Variants in ACBD7 observed in about 807,000 individuals in gnomAD.
ACBD7 encodes acyl-CoA binding domain containing 7.
A neutral mutation model predicts 13.7 loss-of-function variants in ACBD7; 11 were observed. That is an observed-to-expected ratio of 0.80 (90% CI 0.50 to 1.33). The LOEUF (loss-of-function observed/expected upper bound fraction) is 1.33, where lower values mean the gene tolerates loss of function less well. ACBD7 is among the 40% of genes most tolerant of loss of function. The probability of loss-of-function intolerance (pLI) is 0.00; values close to 1 mark genes in which losing one functional copy is unlikely to be tolerated. For synonymous variants in ACBD7, 43 were observed against 37.7 expected, an observed-to-expected ratio of 1.14 and a Z score of -0.51; for missense variants, 111 against 103.0, an observed-to-expected ratio of 1.08 and a Z score of -0.33.
intron 1 of ACBD7, among the ~76,000 whole-genome samples, chr10:15,083,958 A>G (rs1295925642): frequency 1.3e-5 from 2 of 152,208 alleles, no homozygotes; most frequent in Non-Finnish European, 2.9e-5. Flanking sequence ...GCCTGGTGGG[A>G]GATGAACAGG....
At position 15,076,746 on chromosome 10, in the gene ACBD7, A is replaced by G. The variant is rs114892549; in HGVS notation, c.*1784T>C. The G allele has an allele frequency of 1.9e-3, 1,827 of 966,374 alleles. 22 individuals carry two copies. The African/African-American group carries it at 0.03, about 16-fold the overall frequency. 59.9% of individuals were successfully genotyped at this position (966,374 alleles called of 1,614,324 possible). A position where few individuals can be genotyped will look rare whatever the true frequency, so the allele number is the denominator to read the frequency against. Reference sequence around the variant, plus strand: ...CTCGAACTTCTGACCTCAGTAATCCACCTACCTCGGCCTCCCAAAGTGCTG... The same window carrying G: ...CTCGAACTTCTGACCTCAGTAATCCGCCTACCTCGGCCTCCCAAAGTGCTG... On this transcript the variant is annotated 3_prime_UTR_variant, in exon 4 of 4. Transcript: ENST00000356189.
rs182653543 is a variant in ACBD7, at chr10:15,081,927, C to T, written c.13-2887G>A. ...ACTCTTGGCTGCTTTATACATAATGCCATGGTTAAGAACATGGCTCTGGAG... is the reference window on the plus strand; with the variant it reads ...ACTCTTGGCTGCTTTATACATAATGTCATGGTTAAGAACATGGCTCTGGAG... On this transcript the variant is annotated intron_variant, in intron 1 of 3. Transcript: ENST00000356189. Among the ~76,000 whole-genome samples the T allele has an allele frequency of 2.2e-3, 341 of 152,292 alleles. 4 individuals are homozygous for T. The highest frequency in any genetic ancestry group is 0.017 in the Admixed American group (254 of 15,284).
intron 1 of ACBD7, among the ~76,000 whole-genome samples, chr10:15,083,688 G>T (rs756592594): frequency 2.3e-4 from 35 of 152,224 alleles, no homozygotes; most frequent in Non-Finnish European, 3.8e-4. Context: ...TTGCCATGTT[G>T]GCCAAGCTGG....
rs905315227 is a variant in ACBD7 at position 15,078,314 on chromosome 10, C to T, written c.*216G>A. ...ATAGTATTCCATGGTGTATATGTGC[C>T]ACATTTTCTTAAAAAGAACTTTTAA... On this transcript the variant is annotated 3_prime_UTR_variant, in exon 4 of 4. Coordinates refer to ENST00000356189, the MANE Select transcript of ACBD7 (RefSeq NM_001039844.3). 11 of 1,392,142 alleles carry T rather than the reference C, an allele frequency of 7.9e-6. No individual in the cohort carries two copies. The African/African-American group carries it at 1.5e-4, about 18-fold the overall frequency. 86.2% of individuals were successfully genotyped at this position (1,392,142 alleles called of 1,614,324 possible).
At chr10:15,083,163 G>A (rs1206586197) in intron 1 of ACBD7, among the ~76,000 whole-genome samples, 1 of 152,192 alleles carries the variant, frequency 6.6e-6, no homozygotes, top group Non-Finnish European at 1.5e-5. Context: ...TCCCTCCCTA[G>A]GTAGGGAACT....
At chr10:15,083,128 C>A (rs1449545055) in intron 1 of ACBD7, among the ~76,000 whole-genome samples, 1 of 152,230 alleles carries the variant, frequency 6.6e-6, no homozygotes, top group Non-Finnish European at 1.5e-5. Context: ...GTTTCCCATG[C>A]CATTTCAGGG....
intron 1 of ACBD7, among the ~76,000 whole-genome samples, chr10:15,087,673 G>T (rs1844825088): frequency 6.6e-6 from 1 of 152,204 alleles, no homozygotes; most frequent in Non-Finnish European, 1.5e-5. Context: ...AGCTATTTGG[G>T]AGGCTGAGAT....
chr10:15,080,825 T>C (rs1313077600), intron 1 of ACBD7, among the ~76,000 whole-genome samples: 1 of 152,194 alleles, frequency 6.6e-6, no homozygotes, highest in East Asian at 1.9e-4. Flanking sequence ...GTTTCCTTTA[T>C]AGATTTTTAA....
rs1026868295 is a variant in ACBD7 at position 15,077,796 on chromosome 10, C to T, written c.*734G>A. 6.6e-6 allele frequency: 1 copy of T among 152,238 alleles called. No individual in the cohort carries two copies. Among genetic ancestry groups the T allele is most frequent in the African/African-American group, 2.4e-5 (1 of 41,396 alleles). 9.4% of individuals were successfully genotyped at this position (152,238 alleles called of 1,614,324 possible). A position where few individuals can be genotyped will look rare whatever the true frequency, so the allele number is the denominator to read the frequency against. On this transcript the variant is annotated 3_prime_UTR_variant, in exon 4 of 4. Coordinates refer to ENST00000356189, the MANE Select transcript of ACBD7 (RefSeq NM_001039844.3). ...GCTGAGGCAAGAGAATCACTTGAAC[C>T]CAGGAGGCGGAGGTTGCAGTGAACC...
At position 15,076,149 on chromosome 10, in the gene ACBD7, A is replaced by G; in HGVS notation, c.*2381T>C. On this transcript the variant is annotated 3_prime_UTR_variant, in exon 4 of 4. Transcript: ENST00000356189. ...ATGAAGTGGATCTATTCCTCTGGTCATACCATTCCAAATCTAAATTTTTAT... is the reference window on the plus strand; with the variant it reads ...ATGAAGTGGATCTATTCCTCTGGTCGTACCATTCCAAATCTAAATTTTTAT... 1 of 985,306 alleles carries G rather than the reference A, an allele frequency of 1.0e-6. No individual in the cohort carries two copies. The allele number at this position is 985,306 out of a possible 1,614,324, so 61.0% of individuals were successfully genotyped here.
rs897450945 is a variant in ACBD7 at position 15,077,235 on chromosome 10, C to T, written c.*1295G>A. Among the ~76,000 whole-genome samples the T allele has an allele frequency of 3.3e-5, 5 of 152,022 alleles. No individual in the cohort carries two copies. Among genetic ancestry groups the T allele is most frequent in the Non-Finnish European group, 7.4e-5 (5 of 68,006 alleles). ...ATAAAGAAAACGTTGTATATGTATA[C>T]CAGGGGATATTACTCAGCCATATAA... On this transcript the variant is annotated 3_prime_UTR_variant, in exon 4 of 4. Transcript: ENST00000356189.
intron 1 of ACBD7, among the ~76,000 whole-genome samples, chr10:15,081,100 G>A (rs1343201565): frequency 6.6e-6 from 1 of 152,182 alleles, no homozygotes; most frequent in East Asian, 1.9e-4. Context: ...AGGCAGTACT[G>A]TGGCAGGCCA....
intron 1 of ACBD7, chr10:15,088,347 T>C: frequency 3.0e-6 from 1 of 333,756 alleles, no homozygotes; most frequent in Non-Finnish European, 5.5e-6. Flanking sequence ...ACAGATCTCT[T>C]CTGCTCAGTA....
chr10:15,078,622 G>A lies in ACBD7; in HGVS notation c.194-19C>T. ...GACAACCCTAGAAAGATACAAACAGGTTATCTCCCTGATTGGTGCACTGGG... is the reference window on the plus strand; with the variant it reads ...GACAACCCTAGAAAGATACAAACAGATTATCTCCCTGATTGGTGCACTGGG... On this transcript the variant is annotated intron_variant, in intron 3 of 3. Transcript: ENST00000356189. 1 of 1,614,026 alleles carries A rather than the reference G, an allele frequency of 6.2e-7. No homozygotes were observed. Among genetic ancestry groups the A allele is most frequent in the South Asian group, 1.1e-5 (1 of 91,078 alleles).
chr10:15,076,132 G>T lies in ACBD7; in HGVS notation c.*2398C>A, dbSNP rs2131389990. On this transcript the variant is annotated 3_prime_UTR_variant, in exon 4 of 4. Transcript: ENST00000356189. ...TTTGTTGTTGTAGTAACATGAAGTG[G>T]ATCTATTCCTCTGGTCATACCATTC... 3.0e-6 allele frequency: 3 copies of T among 985,196 alleles called. No individual in the cohort carries two copies. In the South Asian group the frequency reaches 1.4e-4, roughly 46 times the overall value. 61.0% of individuals were successfully genotyped at this position (985,196 alleles called of 1,614,324 possible).
In ACBD7 at chr10:15,076,011, A is replaced by C. The variant is rs1024775332; in HGVS notation, c.*2519T>G. ...AAAAAAAAAAAAGAAAAGAAAAAGA[A>C]TGTTATATAAATGGAATTATACATG... On this transcript the variant is annotated 3_prime_UTR_variant, in exon 4 of 4. Transcript: ENST00000356189. The C allele has an allele frequency of 2.9e-5, 19 of 644,402 alleles. No homozygotes were observed. The highest frequency in any genetic ancestry group is 3.5e-5 in the Non-Finnish European group (18 of 519,272). The allele number at this position is 644,402 out of a possible 1,614,324, so 39.9% of individuals were successfully genotyped here. A position where few individuals can be genotyped will look rare whatever the true frequency, so the allele number is the denominator to read the frequency against.
At chr10:15,082,381 C>T (rs969998331) in intron 1 of ACBD7, among the ~76,000 whole-genome samples, 1 of 151,116 alleles carries the variant, frequency 6.6e-6, no homozygotes, top group Non-Finnish European at 1.5e-5. Context: ...TTTTTATACA[C>T]TCAGCTTTGT....
At chr10:15,084,207 A>G (rs979470563) in intron 1 of ACBD7, among the ~76,000 whole-genome samples, 2 of 151,048 alleles carry the variant, frequency 1.3e-5, no homozygotes, top group Non-Finnish European at 2.9e-5. Flanking sequence ...TCACAAATCA[A>G]TAAATAAACA....
rs1589259180 is a variant in ACBD7 at position 15,078,301 on chromosome 10, G to C, written c.*229C>G. ...TTTTTATGGCTCCATAGTATTCCAT[G>C]GTGTATATGTGCCACATTTTCTTAA... On this transcript the variant is annotated 3_prime_UTR_variant, in exon 4 of 4. Transcript: ENST00000356189. The C allele has an allele frequency of 2.3e-6, 3 of 1,332,030 alleles. No homozygotes were observed. Among genetic ancestry groups the C allele is most frequent in the East Asian group, 2.8e-5 (1 of 35,330 alleles). 82.5% of individuals were successfully genotyped at this position (1,332,030 alleles called of 1,614,324 possible). A position where few individuals can be genotyped will look rare whatever the true frequency, so the allele number is the denominator to read the frequency against.
Sources: allele counts gnomAD v4.1 joint callset (sites outside exome capture counted in the v4.1 genomes callset), GRCh38; gene constraint gnomAD v4.1.1; transcripts MANE v1.5; gene names NCBI Gene and HGNC (gene_info 2026-07-23, HGNC 2026-07-21).